FAM3A: variants seen among roughly 807,000 people sequenced by gnomAD.
FAM3A encodes protein FAM3A.
In FAM3A, 5 loss-of-function variants were observed where a neutral mutation model predicts 18.1. The ratio of observed to expected loss-of-function variants is 0.28; its 90% CI spans 0.14 to 0.58. The LOEUF (loss-of-function observed/expected upper bound fraction) is 0.58. Ranked by LOEUF, FAM3A falls within the 20% of genes least tolerant of loss-of-function variation. The pLI, the probability that FAM3A is intolerant of heterozygous loss-of-function variation, is 0.91. For missense variants in FAM3A, 154 were observed against 216.6 expected (o/e 0.71, Z 1.81); for synonymous variants, 108 against 90.2 (o/e 1.20, Z -1.12).
chrX:154,511,617 T>C (rs1340771068), intron 3 of FAM3A, among the ~76,000 whole-genome samples: 1 of 111,976 alleles, frequency 8.9e-6, no homozygotes, highest in Non-Finnish European at 1.9e-5. Flanking sequence ...TCCTTCCAAG[T>C]TGCCCTTTTG....
chrX:154,509,667 C>T (rs1257144567), intron 3 of FAM3A: 1 of 111,326 alleles, frequency 9.0e-6, no homozygotes, highest in African/African-American at 3.3e-5. Context: ...TGGTGAGGGT[C>T]ATCCCGTGGC....
chrX:154,506,955 G>T, intron 8 of FAM3A, 49 bp from the exon 9 acceptor site: 2 of 1,048,549 alleles, frequency 1.9e-6, no homozygotes, highest in Non-Finnish European at 2.7e-6. Flanking sequence ...CAGGGACAGG[G>T]GACAGGAGTG....
rs371947699 is a variant in FAM3A at position 154,511,816 on chromosome X, G to A, written c.151+32C>T. On this transcript the variant is annotated intron_variant, in intron 3 of 8. Transcript: ENST00000447601. ...CGGGGGCAGGCAGGGATGTCACAAA[G>A]GGGAGGAGCAGGGAGGTGACAGGGG... 1.0e-5 allele frequency: 12 copies of A among 1,194,177 alleles called. 1 individual carries two copies. The South Asian group carries it at 1.1e-4, about 11-fold the overall frequency.
At chrX:154,512,778 C>T in intron 2 of FAM3A, 45 bp downstream of exon 2, 1 of 1,054,899 alleles carries the variant, frequency 9.5e-7, no homozygotes, top group Non-Finnish European at 1.3e-6. Context: ...CAGGTGGCCA[C>T]CTTGGTGGCC....
At chrX:154,507,011 G>A (rs781907870) in intron 8 of FAM3A, 105 bp from the exon 9 acceptor site, 6 of 900,601 alleles carry the variant, frequency 6.7e-6, no homozygotes, top group South Asian at 4.5e-5. Flanking sequence ...TTGGCCAACG[G>A]TGTACTCTCA....
rs782253525 is a variant in FAM3A at position 154,506,553 on chromosome X, G to A, written c.*258C>T. Reference sequence around the variant, plus strand: ...GAGGACAGGGCTAGATGGGCTGACCGGGGGGAACAGTGTTACGAAAAGGAG... The same window carrying A: ...GAGGACAGGGCTAGATGGGCTGACCAGGGGGAACAGTGTTACGAAAAGGAG... On this transcript the variant is annotated 3_prime_UTR_variant, in exon 9 of 9. Transcript: ENST00000447601. 5.8e-5 allele frequency: 22 copies of A among 380,024 alleles called. No individual in the cohort carries two copies. The highest frequency in any genetic ancestry group is 8.7e-5 in the Admixed American group (2 of 22,960). 31.3% of individuals were successfully genotyped at this position (380,024 alleles called of 1,213,427 possible). A position where few individuals can be genotyped will look rare whatever the true frequency, so the allele number is the denominator to read the frequency against.
chrX:154,511,823 A>G (rs1557222840), intron 3 of FAM3A, 25 bp downstream of exon 3: 2 of 1,201,796 alleles, frequency 1.7e-6, no homozygotes, highest in Admixed American at 4.4e-5. Context: ...AAAGGGGAGG[A>G]GCAGGGAGGT....
At chrX:154,514,935 C>T (rs1309035405) in intron 1 of FAM3A, among the ~76,000 whole-genome samples, 2 of 111,283 alleles carry the variant, frequency 1.8e-5, no homozygotes, top group South Asian at 7.4e-4. Context: ...GCAACCTCAG[C>T]CTCCCGGGTA....
chrX:154,508,157 T>C (rs2069661047), intron 5 of FAM3A, 132 bp downstream of exon 5: 1 of 502,305 alleles, frequency 2.0e-6, no homozygotes, highest in Non-Finnish European at 3.2e-6. Flanking sequence ...AGCCTTGCGC[T>C]TGCACAGACT....
chrX:154,510,971 C>T (rs1175659942), intron 3 of FAM3A: 5 of 110,081 alleles, frequency 4.5e-5, no homozygotes, highest in African/African-American at 9.9e-5. Context: ...AGTGTTTTGT[C>T]GAAAGGAGAA....
At position 154,507,497 on chromosome X, in the gene FAM3A, G is replaced by A. The variant is rs782185009; in HGVS notation, c.386-7C>T. ...TTCAACAGGTCGTTGACATCTGGGG[G>A]GGCAGGTGCCACGGAACAGGGGTCA... On this transcript the variant is annotated splice_region_variant and splice_polypyrimidine_tract_variant and intron_variant, in intron 6 of 8. Transcript: ENST00000447601. The A allele has an allele frequency of 1.3e-5, 16 of 1,205,382 alleles. No homozygotes were observed. In the African/African-American group the frequency reaches 2.6e-4, roughly 20 times the overall value.
chrX:154,507,706 G>T lies in FAM3A; in HGVS notation c.385+105C>A, dbSNP rs1308465201. ...CCCTGTCCTTTCTGAACCCACGGAG[G>T]TGACTGAGAAGCTCCAAGTACAGAC... On this transcript the variant is annotated intron_variant, in intron 6 of 8. Coordinates refer to ENST00000447601, the MANE Select transcript of FAM3A (RefSeq NM_021806.4). 1.1e-5 allele frequency: 10 copies of T among 925,582 alleles called. No homozygotes were observed. The Middle Eastern group carries it at 8.2e-4, about 76-fold the overall frequency. The allele number at this position is 925,582 out of a possible 1,213,427, so 76.3% of individuals were successfully genotyped here.
Position 154,506,729 on chromosome X carries a change from G to T in FAM3A, c.*82C>A. ...GCGCTCCTGCCCGGGTGTGGGGTGT[G>T]AGCCTCAGCCTCTGTCCGCCCGGCA... is the stretch of plus-strand genomic sequence containing the variant. On this transcript the variant is annotated 3_prime_UTR_variant, in exon 9 of 9. Coordinates refer to ENST00000447601, the MANE Select transcript of FAM3A (RefSeq NM_021806.4). 1.2e-6 allele frequency: 1 copy of T among 802,270 alleles called. No individual in the cohort carries two copies. Among genetic ancestry groups the T allele is most frequent in the Non-Finnish European group, 1.8e-6 (1 of 540,981 alleles). 66.1% of individuals were successfully genotyped at this position (802,270 alleles called of 1,213,427 possible). A position where few individuals can be genotyped will look rare whatever the true frequency, so the allele number is the denominator to read the frequency against.
At chrX:154,514,841 G>A (rs1365388915) in intron 1 of FAM3A, among the ~76,000 whole-genome samples, 2 of 111,704 alleles carry the variant, frequency 1.8e-5, no homozygotes. Context: ...GAGCCACTGC[G>A]CCCAGCTGTC....
intron 1 of FAM3A, 136 bp downstream of exon 1, chrX:154,515,624 T>A: frequency 1.5e-6 from 1 of 677,016 alleles, no homozygotes; most frequent in Non-Finnish European, 2.4e-6. Flanking sequence ...GGAACGAGTG[T>A]TTGTGCAGAG....
At chrX:154,510,621 G>A (rs916735196) in intron 3 of FAM3A, 1 of 109,073 alleles carries the variant, frequency 9.2e-6, no homozygotes, top group Non-Finnish European at 1.9e-5. Flanking sequence ...CTGGAGGAAA[G>A]CTGATCCTTG....
intron 3 of FAM3A, among the ~76,000 whole-genome samples, chrX:154,511,643 T>C (rs1331591766): frequency 8.9e-6 from 1 of 112,003 alleles, no homozygotes; most frequent in African/African-American, 3.2e-5. Context: ...GGAGTATCTA[T>C]CCTAGGCCTG....
Position 154,508,271 on chromosome X carries a change from C to T in FAM3A, c.334+18G>A. ...CAGGGAAGGAGGGCGGCAGGCCACG[C>T]TCAGCCAGGGGCCTCACCGTTCACC... On this transcript the variant is annotated intron_variant, in intron 5 of 8. Transcript: ENST00000447601. The T allele has an allele frequency of 3.7e-6, 4 of 1,084,502 alleles. No individual in the cohort carries two copies. Among genetic ancestry groups the T allele is most frequent in the Non-Finnish European group, 4.8e-6 (4 of 834,046 alleles). The allele number at this position is 1,084,502 out of a possible 1,213,427, so 89.4% of individuals were successfully genotyped here.
intron 1 of FAM3A, among the ~76,000 whole-genome samples, chrX:154,515,443 T>C (rs1557225307): frequency 4.5e-5 from 5 of 111,620 alleles, no homozygotes; most frequent in African/African-American, 1.6e-4. Context: ...TCACTTCCCC[T>C]CTAAGACCAC....
Sources: gnomAD v4.1 joint callset for allele counts (sites outside exome capture counted in the v4.1 genomes callset) on GRCh38, gnomAD v4.1.1 for gene constraint, MANE v1.5 for transcripts, NCBI Gene and HGNC (gene_info 2026-07-23, HGNC 2026-07-21) for gene names.